The following SKAP1 variants were observed in gnomAD, a reference collection of about 807,000 sequenced individuals.
SKAP1 encodes src kinase associated phosphoprotein 1, also known as src kinase-associated phosphoprotein 1.
Under a neutral mutation model 58.5 loss-of-function variants are expected in SKAP1, and 44 were observed. The observed-to-expected ratio is 0.75, with a 90% confidence interval of 0.59 to 0.97. SKAP1 has a LOEUF of 0.97. SKAP1 is among the 50% of genes least tolerant of loss of function. SKAP1 has a pLI of 0.00. For synonymous variants in SKAP1, 127 were observed against 149.7 expected (o/e 0.85, Z 1.11); for missense variants, 390 against 435.2 (o/e 0.90, Z 0.92).
At chr17:48,345,192 T>C (rs528987420) in intron 4 of SKAP1, among the ~76,000 whole-genome samples, 1 of 152,338 alleles carries the variant, frequency 6.6e-6, no homozygotes, top group Non-Finnish European at 1.5e-5. Context: ...AGCCAGAAAC[T>C]GGCAGCCATC....
chr17:48,137,169 A>C (rs1243065873), intron 12 of SKAP1, 60 bp downstream of exon 12: 5 of 1,029,002 alleles, frequency 4.9e-6, no homozygotes, highest in Non-Finnish European at 7.5e-6. Context: ...AGAGAAACAA[A>C]GTAGTGGCCC....
chr17:48,394,011 G>C lies in SKAP1; in HGVS notation c.152+2669C>G, dbSNP rs190097620. Among the ~76,000 whole-genome samples, 671 of 152,258 alleles carry C rather than the reference G, an allele frequency of 4.4e-3. 6 individuals carry two copies. The highest frequency in any genetic ancestry group is 0.016 in the African/African-American group (646 of 41,560). On this transcript the variant is annotated intron_variant, in intron 2 of 12. Transcript: ENST00000336915. ...AGCATTTTGGGAAGCCAAGACAGGA[G>C]AACTGCTTGAGTGCAAGAGTTCCAG...
intron 2 of SKAP1, among the ~76,000 whole-genome samples, chr17:48,383,797 A>G (rs2067245908): frequency 6.7e-6 from 1 of 148,174 alleles, no homozygotes; most frequent in Admixed American, 6.8e-5. Flanking sequence ...GCTCACTGCA[A>G]CCTCTGCCTC....
intron 12 of SKAP1, chr17:48,136,564 G>A: frequency 6.6e-6 from 1 of 152,314 alleles, no homozygotes; most frequent in East Asian, 1.9e-4. Context: ...AGGTAACCTT[G>A]AGAATGTTGG....
chr17:48,252,315 A>G (rs952193709), intron 4 of SKAP1, among the ~76,000 whole-genome samples: 6 of 152,210 alleles, frequency 3.9e-5, no homozygotes, highest in Admixed American at 3.9e-4. Context: ...ACAGTCCTTG[A>G]TTTTAATCCC....
At chr17:48,300,628 G>C (rs1284268457) in intron 4 of SKAP1, among the ~76,000 whole-genome samples, 2 of 152,146 alleles carry the variant, frequency 1.3e-5, no homozygotes, top group African/African-American at 2.4e-5. Flanking sequence ...AAGTGGATCA[G>C]AATCTTTTAG....
intron 4 of SKAP1, among the ~76,000 whole-genome samples, chr17:48,328,018 G>A (rs968922503): frequency 6.6e-6 from 1 of 152,142 alleles, no homozygotes; most frequent in Non-Finnish European, 1.5e-5. Context: ...TCACCACAAA[G>A]AGTTGAATAC....
chr17:48,189,324 G>T, intron 5 of SKAP1, 99 bp downstream of exon 5: 1 of 955,842 alleles, frequency 1.0e-6, no homozygotes, highest in Non-Finnish European at 1.6e-6. Context: ...GCCTAGCACA[G>T]TACCGGGCAC....
intron 4 of SKAP1, among the ~76,000 whole-genome samples, chr17:48,286,273 C>G (rs2065829081): frequency 6.6e-6 from 1 of 152,180 alleles, no homozygotes; most frequent in South Asian, 2.1e-4. Flanking sequence ...CTGTTTCAAT[C>G]ATATAGGGAT....
chr17:48,334,220 C>A (rs995269757), intron 4 of SKAP1, among the ~76,000 whole-genome samples: 1 of 151,592 alleles, frequency 6.6e-6, no homozygotes, highest in Non-Finnish European at 1.5e-5. Context: ...CTTTAATATT[C>A]AAAAAAATTA....
At chr17:48,220,413 A>T (rs1047804286) in intron 4 of SKAP1, among the ~76,000 whole-genome samples, 3 of 152,244 alleles carry the variant, frequency 2.0e-5, no homozygotes, top group African/African-American at 7.2e-5. Context: ...CAATCCTCAC[A>T]AATATAATGC....
At chr17:48,185,984 TCTCTTG>T (rs1491520815) in intron 6 of SKAP1, 1 of 152,000 alleles carries the variant, frequency 6.6e-6, no homozygotes, top group African/African-American at 2.4e-5. Context: ...AGCTTCCGAG[TCTCTTG>T]CTCTTGCTCT....
At chr17:48,282,728 C>T (rs554240205) in intron 4 of SKAP1, among the ~76,000 whole-genome samples, 3 of 151,842 alleles carry the variant, frequency 2.0e-5, no homozygotes, top group South Asian at 4.2e-4. Context: ...GAGCCAAGGT[C>T]GTCTCGCTGC....
At chr17:48,249,315 C>T (rs932426075) in intron 4 of SKAP1, among the ~76,000 whole-genome samples, 1 of 152,136 alleles carries the variant, frequency 6.6e-6, no homozygotes, top group African/African-American at 2.4e-5. Flanking sequence ...GCTAAACTAA[C>T]ATTATAATAG....
intron 4 of SKAP1, among the ~76,000 whole-genome samples, chr17:48,196,067 C>T (rs1395333032): frequency 6.6e-6 from 1 of 152,152 alleles, no homozygotes; most frequent in Non-Finnish European, 1.5e-5. Context: ...CATCTAAGTC[C>T]CACAATATCC....
intron 4 of SKAP1, among the ~76,000 whole-genome samples, chr17:48,225,282 A>G (rs1433570771): frequency 6.6e-6 from 1 of 152,208 alleles, no homozygotes; most frequent in African/African-American, 2.4e-5. Flanking sequence ...AACATTTTAA[A>G]AATCAATGAA....
chr17:48,393,602 A>G (rs2067377055), intron 2 of SKAP1, among the ~76,000 whole-genome samples: 1 of 152,200 alleles, frequency 6.6e-6, no homozygotes. Flanking sequence ...AGTGAATGCC[A>G]AGCCAGCCAT....
At chr17:48,173,597 A>C (rs558176208) in intron 9 of SKAP1, among the ~76,000 whole-genome samples, 1 of 152,238 alleles carries the variant, frequency 6.6e-6, no homozygotes, top group African/African-American at 2.4e-5. Context: ...GACAGAGAGC[A>C]GCTCTTTTGT....
rs1437191940 is a variant in SKAP1 at position 48,234,880 on chromosome 17, T to C, written c.281-45380A>G. Among the ~76,000 whole-genome samples, 4 of 152,222 alleles carry C rather than the reference T, an allele frequency of 2.6e-5. No homozygotes were observed. In the East Asian group the frequency reaches 5.8e-4, roughly 22 times the overall value. On this transcript the variant is annotated intron_variant, in intron 4 of 12. Transcript: ENST00000336915. ...GTTTTGAAATCATGCAGACCCTGGTTTAAATTCTGGATATTTCAATTGCTT... is the reference window on the plus strand; with the variant it reads ...GTTTTGAAATCATGCAGACCCTGGTCTAAATTCTGGATATTTCAATTGCTT...
Sources: allele counts gnomAD v4.1 joint callset (sites outside exome capture counted in the v4.1 genomes callset), GRCh38; gene constraint gnomAD v4.1.1; transcripts MANE v1.5; gene names NCBI Gene and HGNC (gene_info 2026-07-23, HGNC 2026-07-21).